CACNA2D1: variants seen among roughly 807,000 people sequenced by gnomAD.
CACNA2D1 encodes the protein voltage-dependent calcium channel subunit alpha-2/delta-1.
A neutral mutation model predicts 171.5 loss-of-function variants in CACNA2D1; 53 were observed. The ratio of observed to expected loss-of-function variants is 0.31; its 90% CI spans 0.25 to 0.39. The LOEUF (loss-of-function observed/expected upper bound fraction) is 0.39. Ranked by LOEUF, CACNA2D1 falls within the 10% of genes least tolerant of loss-of-function variation. The pLI is 1.00. For missense variants in CACNA2D1, 903 were observed against 1,299.8 expected (o/e 0.69, Z 4.69); for synonymous variants, 442 against 443.1 (o/e 1.00, Z 0.03).
At chr7:82,288,542 C>G (rs1193493312) in intron 3 of CACNA2D1, among the ~76,000 whole-genome samples, 2 of 151,868 alleles carry the variant, frequency 1.3e-5, no homozygotes, top group Admixed American at 1.3e-4. Flanking sequence ...AAAATTATTC[C>G]TGCTAAAATA....
chr7:82,337,711 A>G (rs1818162559), intron 2 of CACNA2D1, among the ~76,000 whole-genome samples: 1 of 152,200 alleles, frequency 6.6e-6, no homozygotes, highest in Admixed American at 6.5e-5. Context: ...TCAACTCTTC[A>G]CATGCTGTGC....
intron 10 of CACNA2D1, among the ~76,000 whole-genome samples, chr7:82,057,272 C>G (rs945930016): frequency 8.5e-5 from 13 of 152,118 alleles, no homozygotes; most frequent in African/African-American, 2.9e-4. Context: ...TCCTCCACCC[C>G]CCTGGCTTTG....
At chr7:82,038,985 G>T (rs764651210) in intron 10 of CACNA2D1, among the ~76,000 whole-genome samples, 3 of 152,148 alleles carry the variant, frequency 2.0e-5, no homozygotes, top group Non-Finnish European at 4.4e-5. Flanking sequence ...TTTCCAAAAA[G>T]AAAGAACAAT....
chr7:82,119,621 A>T (rs1184801048), intron 5 of CACNA2D1, among the ~76,000 whole-genome samples: 1 of 152,206 alleles, frequency 6.6e-6, no homozygotes, highest in Non-Finnish European at 1.5e-5. Flanking sequence ...ATTCCTACTT[A>T]TAGCAAAATA....
chr7:82,031,571 C>T (rs1433612452), intron 12 of CACNA2D1, among the ~76,000 whole-genome samples: 1 of 151,876 alleles, frequency 6.6e-6, no homozygotes, highest in Non-Finnish European at 1.5e-5. Context: ...CACTGTAGTA[C>T]ATGCAGTAAG....
intron 1 of CACNA2D1, among the ~76,000 whole-genome samples, chr7:82,439,986 A>T (rs1235974191): frequency 6.6e-6 from 1 of 151,890 alleles, no homozygotes; most frequent in Non-Finnish European, 1.5e-5. Flanking sequence ...TATCCATTAC[A>T]ATATCCTGAC....
In CACNA2D1 at chr7:82,170,583, A is replaced by C. The variant is rs907675882; in HGVS notation, c.321T>G (p.Val107=). 5.6e-6 allele frequency: 9 copies of C among 1,612,556 alleles called. No individual in the cohort carries two copies. The highest frequency in any genetic ancestry group is 5.3e-5 in the African/African-American group (4 of 74,816). The change falls in exon 4 of 39, where the codon GTT becomes GTG. Residue 107 remains valine (V), a synonymous_variant. Coordinates refer to ENST00000356860, the MANE Select transcript of CACNA2D1 (RefSeq NM_000722.4). ...CTTCTCTCCACTGGTGAGCTGCTTG[A>C]ACTTTCTCCGCTTCCAATGCCAGGC... ...LVRLALEAEK[V]QAAHQWREDF...
At chr7:81,967,326 CAGTCT>C (rs1462799400) in intron 30 of CACNA2D1, 119 bp from the exon 31 acceptor site, 6 of 874,460 alleles carry the variant, frequency 6.9e-6, no homozygotes, top group Non-Finnish European at 1.1e-5. Context: ...TAAGATTAAA[CAGTCT>C]AGTCTATAAG....
chr7:82,137,980 T>C (rs1479569683), intron 4 of CACNA2D1, among the ~76,000 whole-genome samples: 1 of 152,102 alleles, frequency 6.6e-6, no homozygotes, highest in Non-Finnish European at 1.5e-5. Flanking sequence ...CCCGCAAAAA[T>C]CACTACTTCT....
chr7:81,967,574 G>A (rs200135341), intron 30 of CACNA2D1, 22 bp downstream of exon 30: 1 of 1,318,016 alleles, frequency 7.6e-7, no homozygotes, highest in Non-Finnish European at 1.1e-6. Context: ...CATAGCATAA[G>A]AATTTTTTAA....
intron 6 of CACNA2D1, among the ~76,000 whole-genome samples, chr7:82,106,280 A>T (rs1379727110): frequency 6.6e-6 from 1 of 151,460 alleles, no homozygotes; most frequent in African/African-American, 2.4e-5. Flanking sequence ...CAAATTCCAG[A>T]CCCCCATTTT....
At chr7:82,273,074 A>G (rs1351310575) in intron 3 of CACNA2D1, among the ~76,000 whole-genome samples, 4 of 152,194 alleles carry the variant, frequency 2.6e-5, no homozygotes, top group Non-Finnish European at 5.9e-5. Context: ...AAAATCACAA[A>G]ATAAAGTTAA....
chr7:82,011,973 A>G (rs556733742), intron 15 of CACNA2D1, 181 bp downstream of exon 15: 3 of 586,736 alleles, frequency 5.1e-6, no homozygotes, highest in South Asian at 4.2e-5. Context: ...GTAGTTTTCT[A>G]CTACATACGA....
chr7:81,965,721 T>C, intron 31 of CACNA2D1, 56 bp from the exon 32 acceptor site: 1 of 991,812 alleles, frequency 1.0e-6, no homozygotes, highest in Non-Finnish European at 1.6e-6. Flanking sequence ...GAGGCTGCAT[T>C]GTCTTTACCC....
intron 1 of CACNA2D1, among the ~76,000 whole-genome samples, chr7:82,425,610 T>C (rs1377653073): frequency 2.7e-5 from 4 of 150,436 alleles, no homozygotes; most frequent in Non-Finnish European, 5.9e-5. Flanking sequence ...TGCTGGATCA[T>C]AGCTCACTGC....
At chr7:82,377,424 G>C (rs1563455019) in intron 1 of CACNA2D1, among the ~76,000 whole-genome samples, 1 of 152,058 alleles carries the variant, frequency 6.6e-6, no homozygotes, top group East Asian at 1.9e-4. Context: ...ATAACTTTTA[G>C]TAATTCTAAC....
In CACNA2D1 at chr7:82,092,465, C is replaced by T. The variant is rs750998449; in HGVS notation, c.527-7565G>A. Among the ~76,000 whole-genome samples the T allele has an allele frequency of 4.6e-5, 7 of 151,706 alleles. No individual in the cohort carries two copies. The South Asian group carries it at 1.0e-3, about 23-fold the overall frequency. On this transcript the variant is annotated intron_variant, in intron 6 of 38. Transcript: ENST00000356860. ...AGGCTCACTGCCAAGCTCCGCCTCC[C>T]GGGTTCATGCCATTCTCCTGCCTCA...
intron 10 of CACNA2D1, chr7:82,050,550 T>G (rs2131304539): frequency 1.4e-6 from 1 of 702,340 alleles, no homozygotes; most frequent in South Asian, 1.5e-5. Flanking sequence ...ACACTCATCC[T>G]CCCCTCCAGA....
intron 3 of CACNA2D1, among the ~76,000 whole-genome samples, chr7:82,186,464 G>A (rs140609162): frequency 1.3e-5 from 2 of 152,170 alleles, no homozygotes; most frequent in African/African-American, 4.8e-5. Context: ...ATGACACTTC[G>A]ATGTATGTTA....
Sources: gnomAD v4.1 joint callset for allele counts (sites outside exome capture counted in the v4.1 genomes callset) on GRCh38, gnomAD v4.1.1 for gene constraint, MANE v1.5 for transcripts, NCBI Gene and HGNC (gene_info 2026-07-23, HGNC 2026-07-21) for gene names.